TRPM4: variants seen among roughly 807,000 people sequenced by gnomAD.
TRPM4 encodes transient receptor potential cation channel subfamily M member 4, also known as calcium-activated non-selective cation channel 1.
A neutral mutation model predicts 135.6 loss-of-function variants in TRPM4; 124 were observed. That is an observed-to-expected ratio of 0.91 (90% CI 0.79 to 1.06). TRPM4 has a LOEUF of 1.06. Ranked by LOEUF, TRPM4 falls within the 50% of genes least tolerant of loss-of-function variation. The probability of loss-of-function intolerance (pLI) is 0.00; values close to 1 mark genes in which losing one functional copy is unlikely to be tolerated. For missense variants in TRPM4, 1,658 were observed against 1,671.4 expected, an observed-to-expected ratio of 0.99 and a Z score of 0.14; for synonymous variants, 745 against 705.6, an observed-to-expected ratio of 1.06 and a Z score of -0.88.
In TRPM4 at chr19:49,181,480, G is replaced by T. The variant is rs201208460; in HGVS notation, c.1263+19G>T. The T allele has an allele frequency of 1.9e-6, 3 of 1,577,258 alleles. No individual in the cohort carries two copies. In the African/African-American group the frequency reaches 4.1e-5, roughly 21 times the overall value. On this transcript the variant is annotated intron_variant, in intron 10 of 24. Coordinates refer to ENST00000252826, the MANE Select transcript of TRPM4 (RefSeq NM_017636.4). Reference sequence around the variant, plus strand: ...ATGGCGGGTGAGGGGTCAGGGCCTGGGGGTTGGGCATACTGACAAAGGGAC... The same window carrying T: ...ATGGCGGGTGAGGGGTCAGGGCCTGTGGGTTGGGCATACTGACAAAGGGAC...
chr19:49,189,454 C>T (rs1037383178), intron 14 of TRPM4, among the ~76,000 whole-genome samples: 9 of 152,064 alleles, frequency 5.9e-5, no homozygotes, highest in African/African-American at 1.9e-4. Context: ...GGAAGTCCTA[C>T]GGCATCCACA....
At chr19:49,195,321 C>T (rs1318604728) in intron 16 of TRPM4, among the ~76,000 whole-genome samples, 1 of 152,224 alleles carries the variant, frequency 6.6e-6, no homozygotes, top group Non-Finnish European at 1.5e-5. Flanking sequence ...GTTTTGCACA[C>T]TTCACATAAG....
rs1457432143 is a variant in TRPM4, at chr19:49,190,302, C to A, written c.2114C>A (p.Thr705Asn). The change falls in exon 15 of 25, where the codon ACC (threonine) becomes AAC (asparagine). Residue 705 changes from threonine to asparagine, a missense_variant. By Grantham distance (65) the Thr-to-Asn change is moderately conservative. Around this residue, in one of 3 missense-constraint regions of TRPM4, gnomAD observed 1,412 missense variants for 1,408.7 expected, o/e 1.00. Coordinates refer to ENST00000252826, the MANE Select transcript of TRPM4 (RefSeq NM_017636.4). ...TTCTTTTGCCCTCCACTCATCTACA[C>A]CCGCCTCATCACCTTCAGGTCAGTA... ...LAFFCPPLIY[T>N]RLITFRKSEE... 6.2e-7 allele frequency: 1 copy of A among 1,614,082 alleles called. No individual in the cohort carries two copies. The highest frequency in any genetic ancestry group is 1.3e-5 in the African/African-American group (1 of 74,946).
At chr19:49,203,172 T>C (rs1969005530) in intron 20 of TRPM4, among the ~76,000 whole-genome samples, 1 of 151,734 alleles carries the variant, frequency 6.6e-6, no homozygotes, top group Non-Finnish European at 1.5e-5. Flanking sequence ...ATTACAGGCG[T>C]GAGCCACCGC....
chr19:49,206,845 T>C (rs1404002593), intron 20 of TRPM4, among the ~76,000 whole-genome samples: 1 of 152,234 alleles, frequency 6.6e-6, no homozygotes, highest in Admixed American at 6.5e-5. Flanking sequence ...CAGTATTTGG[T>C]AGTTTTCAGG....
chr19:49,182,254 GTC>G (rs1967985041), intron 10 of TRPM4, among the ~76,000 whole-genome samples: 1 of 58,282 alleles, frequency 1.7e-5, no homozygotes, highest in Non-Finnish European at 3.8e-5. Context: ...CCATCCATCT[GTC>G]CATCCATTCA....
At chr19:49,180,914 C>G (rs781337407) in intron 9 of TRPM4, among the ~76,000 whole-genome samples, 2 of 152,196 alleles carry the variant, frequency 1.3e-5, no homozygotes, top group East Asian at 3.9e-4. Context: ...ATCCTTCTAT[C>G]TGTCCATCCA....
Position 49,211,468 on chromosome 19 carries a change from G to A in TRPM4, c.3641-26G>A. The A allele has an allele frequency of 6.2e-7, 1 of 1,613,808 alleles. No homozygotes were observed. Among genetic ancestry groups the A allele is most frequent in the Non-Finnish European group, 8.5e-7 (1 of 1,180,026 alleles). ...CTCTCCCCTTCCCTGCCAATCACCTGCTCTCTCTTTTCTCTCTTCCCCCAG... is the reference window on the plus strand; with the variant it reads ...CTCTCCCCTTCCCTGCCAATCACCTACTCTCTCTTTTCTCTCTTCCCCCAG... On this transcript the variant is annotated intron_variant, in intron 24 of 24. Coordinates refer to ENST00000252826, the MANE Select transcript of TRPM4 (RefSeq NM_017636.4). The surrounding 1 kb of genome is among the most constrained non-coding windows in gnomAD (Gnocchi z 4.8).
In TRPM4 at chr19:49,167,914, C is replaced by T. The variant is rs754337596; in HGVS notation, c.268-3C>T. ...TGTGTGCCCCGCTCCCATGTGTCCA[C>T]AGTTCCTCCGGCTCTCTGACCGAAC... On this transcript the variant is annotated splice_polypyrimidine_tract_variant and splice_region_variant and intron_variant, in intron 3 of 24. Coordinates refer to ENST00000252826, the MANE Select transcript of TRPM4 (RefSeq NM_017636.4). 1 of 1,613,986 alleles carries T rather than the reference C, an allele frequency of 6.2e-7. No individual in the cohort carries two copies. The highest frequency in any genetic ancestry group is 1.7e-5 in the Admixed American group (1 of 60,020).
intron 6 of TRPM4, among the ~76,000 whole-genome samples, chr19:49,170,344 A>C (rs1211770724): frequency 1.3e-5 from 2 of 151,650 alleles, no homozygotes; most frequent in Non-Finnish European, 1.5e-5. Flanking sequence ...ACGAGCCACC[A>C]CTCCCAGCTA....
At chr19:49,160,079 G>A (rs1966905702) in intron 2 of TRPM4, among the ~76,000 whole-genome samples, 1 of 152,184 alleles carries the variant, frequency 6.6e-6, no homozygotes, top group Admixed American at 6.5e-5. Context: ...TGTGAGAGCT[G>A]GGAGGAGGTG....
intron 20 of TRPM4, among the ~76,000 whole-genome samples, chr19:49,204,984 T>TTG (rs1470998585): frequency 1.6e-5 from 2 of 128,768 alleles, no homozygotes; most frequent in African/African-American, 7.7e-5. Context: ...CTTTGGTTGT[T>TTG]TTTTTTTTTT....
Position 49,210,417 on chromosome 19 carries a change from G to T in TRPM4, c.3328+12G>T, listed in dbSNP as rs778397467. On this transcript the variant is annotated intron_variant, in intron 21 of 24. Coordinates refer to ENST00000252826, the MANE Select transcript of TRPM4 (RefSeq NM_017636.4). This position sits in a 1 kb window ranked among gnomAD's most constrained non-coding sequence, Gnocchi z 4.1. Reference sequence around the variant, plus strand: ...CCTCGAGCATTTCCGTAAGAACAGAGCTTGGCTTAAAAAGGAGAAATATAG... The same window carrying T: ...CCTCGAGCATTTCCGTAAGAACAGATCTTGGCTTAAAAAGGAGAAATATAG... The T allele has an allele frequency of 2.4e-5, 39 of 1,612,298 alleles. No individual in the cohort carries two copies. The highest frequency in any genetic ancestry group is 3.2e-5 in the Non-Finnish European group (38 of 1,179,924).
chr19:49,182,901 AGGCCAG>A lies in TRPM4; in HGVS notation c.1591_1596del (p.Gln531_Gly532del). Reference sequence around the variant, plus strand: ...CCGGGGGCGCCTGGGACCCTCACCCAGGCCAGGGCTTCGGGGAGAGCGTAAGGACCG... The same window carrying A: ...CCGGGGGCGCCTGGGACCCTCACCCAGGCTTCGGGGAGAGCGTAAGGACCG... On this transcript the variant is annotated inframe_deletion, in exon 11 of 25. Coordinates refer to ENST00000252826, the MANE Select transcript of TRPM4 (RefSeq NM_017636.4). 6.3e-7 allele frequency: 1 copy of A among 1,597,580 alleles called. No individual in the cohort carries two copies. The highest frequency in any genetic ancestry group is 8.5e-7 in the Non-Finnish European group (1 of 1,171,918).
Position 49,196,756 on chromosome 19 carries a change from G to C in TRPM4, c.2527G>C (p.Gly843Arg), listed in dbSNP as rs376922318. 39 of 1,549,582 alleles carry C rather than the reference G, an allele frequency of 2.5e-5. No individual in the cohort carries two copies. In the East Asian group the frequency reaches 4.8e-4, roughly 19 times the overall value. Reference protein sequence around the residue: ...LSGGGGSLASGGPGPGHASLS... With the variant: ...LSGGGGSLASRGPGPGHASLS... Reference sequence around the variant, plus strand: ...CGGAGGCGGGGGCAGCCTCGCCAGCGGGGGCCCCGGGCCTGGCCATGCCTC... The same window carrying C: ...CGGAGGCGGGGGCAGCCTCGCCAGCCGGGGCCCCGGGCCTGGCCATGCCTC... The change falls in exon 17 of 25, where the codon GGG (glycine) becomes CGG (arginine). Residue 843 changes from glycine to arginine, a missense_variant. This residue lies in a region of TRPM4 where 1,412 missense variants were observed against 1,408.7 expected (regional missense o/e 1.00). Coordinates refer to ENST00000252826, the MANE Select transcript of TRPM4 (RefSeq NM_017636.4).
chr19:49,190,830 T>C, intron 16 of TRPM4, 57 bp downstream of exon 16: 1 of 1,516,024 alleles, frequency 6.6e-7, no homozygotes, highest in Non-Finnish European at 9.1e-7. Flanking sequence ...GTTCAGGACA[T>C]GTGCCAGTTC....
At position 49,202,149 on chromosome 19, in the gene TRPM4, C is replaced by T. The variant is rs768156836; in HGVS notation, c.3131+8C>T. ...GCTCATTGCCATGTTCAGGTGAGGC[C>T]TGACTGCTCTCTGATCTGACCCCAC... is the stretch of plus-strand genomic sequence containing the variant. On this transcript the variant is annotated splice_region_variant and intron_variant, in intron 20 of 24. Transcript: ENST00000252826. The T allele has an allele frequency of 1.2e-6, 2 of 1,613,916 alleles. No individual in the cohort carries two copies. The highest frequency in any genetic ancestry group is 3.3e-4 in the Middle Eastern group (2 of 6,062).
chr19:49,199,539 G>C (rs1968835736), intron 17 of TRPM4, among the ~76,000 whole-genome samples: 1 of 152,148 alleles, frequency 6.6e-6, no homozygotes, highest in Non-Finnish European at 1.5e-5. Flanking sequence ...GATTACAGGC[G>C]TGAGCCACTG....
intron 9 of TRPM4, among the ~76,000 whole-genome samples, chr19:49,178,767 TA>T (rs201174544): frequency 0.041 from 3,544 of 85,926 alleles, 155 homozygotes; most frequent in African/African-American, 0.14. Flanking sequence ...TTTATTTTTT[TA>T]TTTTTTTTGA....
Sources: allele counts gnomAD v4.1 joint callset (sites outside exome capture counted in the v4.1 genomes callset), GRCh38; gene constraint gnomAD v4.1.1; regional missense constraint gnomAD v4.1.1; non-coding constraint Gnocchi (gnomAD v3.1); transcripts MANE v1.5; gene names NCBI Gene and HGNC (gene_info 2026-07-23, HGNC 2026-07-21).